Variants in CACNA2D4 observed in about 807,000 individuals in gnomAD.
CACNA2D4 encodes voltage-dependent calcium channel subunit alpha-2/delta-4.
Under a neutral mutation model 163.8 loss-of-function variants are expected in CACNA2D4, and 157 were observed. The observed-to-expected ratio is 0.96, with a 90% CI of 0.84 to 1.09. The LOEUF (loss-of-function observed/expected upper bound fraction) is 1.09, where lower values mean the gene tolerates loss of function less well. CACNA2D4 is among the 50% of genes least tolerant of loss of function. CACNA2D4 has a pLI of 0.00. For synonymous variants in CACNA2D4, 598 were observed against 586.9 expected (o/e 1.02, Z -0.27); for missense variants, 1,410 against 1,479.9 (o/e 0.95, Z 0.78).
intron 6 of CACNA2D4, among the ~76,000 whole-genome samples, chr12:1,903,405 A>G (rs975084537): frequency 5.3e-5 from 8 of 152,162 alleles, no homozygotes; most frequent in African/African-American, 1.9e-4. Context: ...CAGCAAAAGA[A>G]ACAATCAACA....
intron 6 of CACNA2D4, among the ~76,000 whole-genome samples, chr12:1,903,681 C>T (rs549010694): frequency 6.6e-6 from 1 of 151,624 alleles, no homozygotes; most frequent in Non-Finnish European, 1.5e-5. Context: ...ATCATCTTAC[C>T]CTAATTAAAA....
At chr12:1,795,624 AGCCCCC>A in intron 36 of CACNA2D4, 38 bp downstream of exon 36, 2 of 1,365,286 alleles carry the variant, frequency 1.5e-6, no homozygotes, top group Non-Finnish European at 2.1e-6. Flanking sequence ...CACCTCCTAC[AGCCCCC>A]GCCCCCACCG....
Position 1,912,089 on chromosome 12 carries a change from G to T in CACNA2D4, c.426+934C>A, listed in dbSNP as rs372188010. On this transcript the variant is annotated intron_variant, in intron 3 of 37. Transcript: ENST00000382722. ...CCTCCCAGAGTGGGGGTTGTGATGGGGGTGGGGGTACACTGACAGTACACT... is the reference window on the plus strand; with the variant it reads ...CCTCCCAGAGTGGGGGTTGTGATGGTGGTGGGGGTACACTGACAGTACACT... Among the ~76,000 whole-genome samples, 9 of 152,232 alleles carry T rather than the reference G, an allele frequency of 5.9e-5. No homozygotes were observed. In the East Asian group the frequency reaches 1.7e-3, roughly 29 times the overall value.
intron 20 of CACNA2D4, 76 bp downstream of exon 20, chr12:1,858,501 G>A (rs546426424): frequency 1.5e-6 from 2 of 1,329,804 alleles, no homozygotes; most frequent in East Asian, 2.4e-5. Context: ...TCTGGTTGGG[G>A]TTGGCCCTGC....
intron 6 of CACNA2D4, among the ~76,000 whole-genome samples, chr12:1,898,699 GTA>G (rs1866465715): frequency 6.6e-6 from 1 of 151,986 alleles, no homozygotes; most frequent in Non-Finnish European, 1.5e-5. Flanking sequence ...GTGTGTGTGT[GTA>G]TGTGTACATA....
intron 23 of CACNA2D4, among the ~76,000 whole-genome samples, chr12:1,850,207 G>C (rs1481248740): frequency 1.3e-5 from 2 of 152,186 alleles, no homozygotes; most frequent in Non-Finnish European, 2.9e-5. Flanking sequence ...ACGAGTGCCT[G>C]ACTCCCCACA....
In CACNA2D4 at chr12:1,875,122, A is replaced by G. The variant is rs1190233953; in HGVS notation, c.1806+129T>C. 9.0e-6 allele frequency: 6 copies of G among 666,836 alleles called. No homozygotes were observed. In the East Asian group the frequency reaches 1.3e-4, roughly 14 times the overall value. The allele number at this position is 666,836 out of a possible 1,614,324, so 41.3% of individuals were successfully genotyped here. On this transcript the variant is annotated intron_variant, in intron 17 of 37. Coordinates refer to ENST00000382722, the MANE Select transcript of CACNA2D4 (RefSeq NM_172364.5). This position sits in a 1 kb window ranked among gnomAD's most constrained non-coding sequence, Gnocchi z 4.0. Reference sequence around the variant, plus strand: ...CATTGCTTGTGGCTTGAGCTTGGAAAGGCTCTGGGATGAACCTGTTCTGCC... The same window carrying G: ...CATTGCTTGTGGCTTGAGCTTGGAAGGGCTCTGGGATGAACCTGTTCTGCC...
intron 18 of CACNA2D4, among the ~76,000 whole-genome samples, chr12:1,863,834 T>C (rs1865578004): frequency 6.6e-6 from 1 of 151,592 alleles, no homozygotes; most frequent in Admixed American, 6.6e-5. Context: ...ATCTATCTAA[T>C]ATTGTACACA....
intron 1 of CACNA2D4, among the ~76,000 whole-genome samples, chr12:1,915,901 C>A (rs1866964614): frequency 6.6e-6 from 1 of 152,244 alleles, no homozygotes; most frequent in African/African-American, 2.4e-5. Flanking sequence ...CAGCCTGGAG[C>A]CACCCCACAG....
chr12:1,795,121 T>C (rs755372355), intron 37 of CACNA2D4, 178 bp downstream of exon 37: 2 of 604,450 alleles, frequency 3.3e-6, no homozygotes, highest in Admixed American at 5.8e-5. Flanking sequence ...AATAAAGATC[T>C]GTTTCTTATT....
chr12:1,819,591 C>T (rs751259257), intron 26 of CACNA2D4, among the ~76,000 whole-genome samples: 7 of 152,178 alleles, frequency 4.6e-5, no homozygotes, highest in Non-Finnish European at 7.4e-5. Flanking sequence ...GGTTCGTGCT[C>T]CAGGCTGGTG....
At chr12:1,810,245 T>C (rs1863659766) in intron 29 of CACNA2D4, 33 bp downstream of exon 29, 2 of 1,573,934 alleles carry the variant, frequency 1.3e-6, no homozygotes, top group African/African-American at 1.3e-5. Context: ...CCTGCCGCCC[T>C]CTCCCCCTCA....
chr12:1,914,785 G>T, intron 2 of CACNA2D4, 69 bp downstream of exon 2: 4 of 1,040,614 alleles, frequency 3.8e-6, no homozygotes, highest in Non-Finnish European at 4.5e-6. Context: ...CACAGCACCG[G>T]CATTTGGGGG....
intron 36 of CACNA2D4, 62 bp downstream of exon 36, chr12:1,795,606 C>A: frequency 8.4e-7 from 1 of 1,193,460 alleles, no homozygotes. Context: ...AAATCTGAGC[C>A]CTACAGACAC....
At chr12:1,915,281 G>A (rs1231399294) in intron 1 of CACNA2D4, 5 of 702,438 alleles carry the variant, frequency 7.1e-6, no homozygotes, top group African/African-American at 7.0e-5. Context: ...GCACTGCTGT[G>A]TGCTGAATGT....
At chr12:1,826,691 G>A (rs57925962) in intron 26 of CACNA2D4, among the ~76,000 whole-genome samples, 2,251 of 137,272 alleles carry the variant, frequency 0.016, 49 homozygotes, top group African/African-American at 0.051. Flanking sequence ...CCGCTCCTCA[G>A]CAGGCTGCCC....
At chr12:1,804,710 G>A (rs1269534664) in intron 29 of CACNA2D4, among the ~76,000 whole-genome samples, 1 of 152,246 alleles carries the variant, frequency 6.6e-6, no homozygotes, top group Non-Finnish European at 1.5e-5. Context: ...AGGGACTTCC[G>A]GGAAGCGGGC....
intron 26 of CACNA2D4, among the ~76,000 whole-genome samples, chr12:1,822,466 C>T (rs1476638997): frequency 6.8e-6 from 1 of 146,052 alleles, no homozygotes; most frequent in Admixed American, 6.8e-5. Flanking sequence ...CTGAGCCCAG[C>T]CCCAGGGACA....
At chr12:1,817,537 G>A (rs893047943) in intron 26 of CACNA2D4, among the ~76,000 whole-genome samples, 44 of 152,144 alleles carry the variant, frequency 2.9e-4, no homozygotes, top group African/African-American at 8.7e-4. Context: ...ATGCCGAGCC[G>A]AAGCTGGACT....
Sources: allele counts gnomAD v4.1 joint callset (sites outside exome capture counted in the v4.1 genomes callset), GRCh38; gene constraint gnomAD v4.1.1; non-coding constraint Gnocchi (gnomAD v3.1); transcripts MANE v1.5; gene names NCBI Gene and HGNC (gene_info 2026-07-23, HGNC 2026-07-21).